THRB: variants seen among roughly 807,000 people sequenced by gnomAD.
The protein encoded by THRB is nuclear receptor subfamily 1 group A member 2.
In THRB, 12 loss-of-function variants were observed where a neutral mutation model predicts 47.8. That is an observed-to-expected ratio of 0.25 (90% CI 0.16 to 0.41). The LOEUF is 0.41. Among genes scored for constraint, THRB ranks in the 10% least tolerant of loss-of-function variants. THRB has a pLI of 1.00. For synonymous variants in THRB, 218 were observed against 212.2 expected, an observed-to-expected ratio of 1.03 and a Z score of -0.24; for missense variants, 348 against 589.2, an observed-to-expected ratio of 0.59 and a Z score of 4.24.
At chr3:24,370,779 C>T (rs756317643) in intron 1 of THRB, among the ~76,000 whole-genome samples, 1 of 152,104 alleles carries the variant, frequency 6.6e-6, no homozygotes, top group African/African-American at 2.4e-5. Context: ...AAGGGCTCCC[C>T]AAGCTAGGAG....
intron 1 of THRB, among the ~76,000 whole-genome samples, chr3:24,389,737 A>G (rs2066416048): frequency 6.6e-6 from 1 of 152,030 alleles, no homozygotes; most frequent in South Asian, 2.1e-4. Context: ...TAGCTGTAAC[A>G]ACAAAAACAA....
rs1350439283 is a variant in THRB at position 24,375,404 on chromosome 3, TATA to T, written c.-260-38036_-260-38034del. Among the ~76,000 whole-genome samples, 1,020 of 114,714 alleles carry T rather than the reference TATA, an allele frequency of 8.9e-3. 13 individuals carry two copies. Among genetic ancestry groups the T allele is most frequent in the African/African-American group, 0.025 (918 of 37,452 alleles). 75.3% of individuals were successfully genotyped at this position (114,714 alleles called of 152,430 possible). On this transcript the variant is annotated intron_variant, in intron 1 of 10. Transcript: ENST00000646209. Reference sequence around the variant, plus strand: ...AATATTAATATATTATAGTTAGACATATAATATTAATATATTATAGTTAGACAT... The same window carrying T: ...AATATTAATATATTATAGTTAGACATATATTAATATATTATAGTTAGACAT...
intron 4 of THRB, among the ~76,000 whole-genome samples, chr3:24,191,796 A>T (rs1189215590): frequency 6.6e-6 from 1 of 152,240 alleles, no homozygotes; most frequent in Non-Finnish European, 1.5e-5. Flanking sequence ...CTCCAGGAGA[A>T]AACCATGAAC....
chr3:24,476,355 AG>A (rs1262862485), intron 1 of THRB, among the ~76,000 whole-genome samples: 1 of 152,138 alleles, frequency 6.6e-6, no homozygotes, highest in Non-Finnish European at 1.5e-5. Flanking sequence ...TTAACACAAA[AG>A]TTTTACTATC....
chr3:24,194,868 G>A (rs1399036329), intron 4 of THRB, among the ~76,000 whole-genome samples: 1 of 152,212 alleles, frequency 6.6e-6, no homozygotes, highest in Admixed American at 6.5e-5. Context: ...ATAGGATTAT[G>A]ACAAAGTGGT....
chr3:24,213,303 T>A (rs530467994), intron 4 of THRB, among the ~76,000 whole-genome samples: 157 of 152,256 alleles, frequency 1.0e-3, no homozygotes, highest in African/African-American at 3.6e-3. Flanking sequence ...CATGGAAAAT[T>A]CTTGAGAAGG....
intron 3 of THRB, among the ~76,000 whole-genome samples, chr3:24,287,098 A>G (rs1005384770): frequency 1.3e-5 from 2 of 152,210 alleles, no homozygotes; most frequent in African/African-American, 2.4e-5. Context: ...GAGTTTCAGA[A>G]TATCTACCAC....
chr3:24,495,378 G>C (rs1428285539), upstream of THRB: 2 of 153,276 alleles, frequency 1.3e-5, no homozygotes. Context: ...CTCCGGGCCA[G>C]CGCTCCGACG....
chr3:24,299,964 C>A (rs1206636269), intron 2 of THRB, among the ~76,000 whole-genome samples: 1 of 151,902 alleles, frequency 6.6e-6, no homozygotes, highest in African/African-American at 2.4e-5. Flanking sequence ...CACTGACTCT[C>A]AATTCCTAGA....
intron 3 of THRB, among the ~76,000 whole-genome samples, chr3:24,237,144 C>T (rs1001733200): frequency 3.3e-5 from 5 of 152,132 alleles, no homozygotes; most frequent in Admixed American, 6.6e-5. Context: ...TCTGTCTGTA[C>T]CGTATCCCAG....
chr3:24,252,789 G>A (rs1279058649), intron 3 of THRB, among the ~76,000 whole-genome samples: 2 of 152,062 alleles, frequency 1.3e-5, no homozygotes, highest in South Asian at 2.1e-4. Flanking sequence ...ATATGGTTAA[G>A]TGAGAAAAGC....
intron 5 of THRB, among the ~76,000 whole-genome samples, chr3:24,182,890 G>T (rs930938329): frequency 6.6e-6 from 1 of 152,172 alleles, no homozygotes; most frequent in Non-Finnish European, 1.5e-5. Context: ...TATTTCCTCT[G>T]CAGTTTCAAA....
chr3:24,147,991 T>G (rs1056895914), intron 6 of THRB, among the ~76,000 whole-genome samples: 1 of 152,180 alleles, frequency 6.6e-6, no homozygotes, highest in Non-Finnish European at 1.5e-5. Flanking sequence ...TGATGTATAA[T>G]GAAGTAAATT....
chr3:24,259,600 T>A (rs1182351164), intron 3 of THRB, among the ~76,000 whole-genome samples: 1 of 142,852 alleles, frequency 7.0e-6, no homozygotes, highest in African/African-American at 2.6e-5. Context: ...CACTACAAAG[T>A]GGGAATTAGC....
At chr3:24,205,925 G>T (rs1406826766) in intron 4 of THRB, among the ~76,000 whole-genome samples, 3 of 152,202 alleles carry the variant, frequency 2.0e-5, no homozygotes, top group Admixed American at 1.3e-4. Flanking sequence ...TAATGGTAAA[G>T]GGATCAATTC....
intron 1 of THRB, among the ~76,000 whole-genome samples, chr3:24,343,614 T>A (rs1179321440): frequency 6.6e-6 from 1 of 152,070 alleles, no homozygotes; most frequent in Non-Finnish European, 1.5e-5. Context: ...ACATAAAGCA[T>A]ATATATCATC....
intron 3 of THRB, among the ~76,000 whole-genome samples, chr3:24,234,400 A>G (rs1385174871): frequency 6.6e-6 from 1 of 151,218 alleles, no homozygotes; most frequent in Non-Finnish European, 1.5e-5. Context: ...AATAGAATGA[A>G]AAGGAGACAC....
chr3:24,468,066 G>C (rs1285100142), intron 1 of THRB, among the ~76,000 whole-genome samples: 1 of 152,176 alleles, frequency 6.6e-6, no homozygotes, highest in Non-Finnish European at 1.5e-5. Context: ...CATAGGCACT[G>C]GTGCTTCATC....
chr3:24,133,194 C>T (rs532755315), intron 9 of THRB, 122 bp downstream of exon 9: 22 of 1,112,532 alleles, frequency 2.0e-5, no homozygotes, highest in Middle Eastern at 2.1e-4. Context: ...TTTGTACTGA[C>T]GTTGCTTTCA....
Sources: allele counts gnomAD v4.1 joint callset (sites outside exome capture counted in the v4.1 genomes callset), GRCh38; gene constraint gnomAD v4.1.1; transcripts MANE v1.5; gene names NCBI Gene and HGNC (gene_info 2026-07-23, HGNC 2026-07-21).